Variants in RORA observed in about 807,000 individuals in gnomAD.
RORA encodes nuclear receptor ROR-alpha.
RORA carries 7 observed loss-of-function variants against 69.5 expected under a neutral mutation model. The ratio of observed to expected loss-of-function variants is 0.10; its 90% CI spans 0.06 to 0.19. The LOEUF (loss-of-function observed/expected upper bound fraction) is 0.19, where lower values mean the gene tolerates loss of function less well. Ranked by LOEUF, RORA falls within the 10% of genes least tolerant of loss-of-function variation. The pLI, the probability that RORA is intolerant of heterozygous loss-of-function variation, is 1.00. For synonymous variants in RORA, 261 were observed against 240.8 expected (o/e 1.08, Z -0.78); for missense variants, 457 against 663.0 (o/e 0.69, Z 3.41).
rs117779544 is a variant in RORA at position 60,899,539 on chromosome 15, T to C, written c.167-220853A>G. Among the ~76,000 whole-genome samples, 488 of 152,330 alleles carry C rather than the reference T, an allele frequency of 3.2e-3. 12 individuals carry two copies. In the East Asian group the frequency reaches 0.063, roughly 20 times the overall value. On this transcript the variant is annotated intron_variant, in intron 1 of 10. Transcript: ENST00000335670. Reference sequence around the variant, plus strand: ...TGAGCAAGCATAACCCAGCAGTTTTTAGCCACACTTCTTTCATGGCTTTCT... The same window carrying C: ...TGAGCAAGCATAACCCAGCAGTTTTCAGCCACACTTCTTTCATGGCTTTCT...
intron 1 of RORA, among the ~76,000 whole-genome samples, chr15:61,065,048 A>G (rs997054187): frequency 2.0e-5 from 3 of 152,234 alleles, no homozygotes; most frequent in East Asian, 1.9e-4. Context: ...CTAAGGCTCC[A>G]GAATGTATCA....
chr15:60,545,685 C>T (rs182851156), intron 2 of RORA, among the ~76,000 whole-genome samples: 2 of 152,302 alleles, frequency 1.3e-5, no homozygotes, highest in African/African-American at 2.4e-5. Flanking sequence ...GCCCAATTAG[C>T]GTGGTCCATT....
intron 1 of RORA, among the ~76,000 whole-genome samples, chr15:60,962,913 C>T (rs1025290246): frequency 6.6e-6 from 1 of 152,164 alleles, no homozygotes; most frequent in Non-Finnish European, 1.5e-5. Flanking sequence ...ATTGGGAAGA[C>T]AACATGGAGG....
At chr15:61,180,382 T>G (rs2079672731) in intron 1 of RORA, among the ~76,000 whole-genome samples, 3 of 152,192 alleles carry the variant, frequency 2.0e-5, no homozygotes, top group Non-Finnish European at 4.4e-5. Flanking sequence ...TTGTATGAGA[T>G]TTAATACAAT....
intron 1 of RORA, among the ~76,000 whole-genome samples, chr15:61,019,139 T>C (rs1178900488): frequency 6.6e-6 from 1 of 152,208 alleles, no homozygotes; most frequent in Non-Finnish European, 1.5e-5. Flanking sequence ...GGCACAAGAA[T>C]TGCACTGGCT....
intron 2 of RORA, among the ~76,000 whole-genome samples, chr15:60,613,696 C>CTG (rs66616801): frequency 0.15 from 19,057 of 125,000 alleles, 1,510 homozygotes; most frequent in East Asian, 0.37. Flanking sequence ...AATTTGATAT[C>CTG]TGTGTGTGTG....
intron 2 of RORA, among the ~76,000 whole-genome samples, chr15:60,545,368 C>G (rs1209959561): frequency 1.3e-5 from 2 of 152,146 alleles, no homozygotes; most frequent in Non-Finnish European, 1.5e-5. Flanking sequence ...ACCCTTTAAA[C>G]TATGTCACAA....
chr15:60,983,824 C>A (rs960941667), intron 1 of RORA, among the ~76,000 whole-genome samples: 4 of 152,190 alleles, frequency 2.6e-5, no homozygotes, highest in African/African-American at 7.2e-5. Flanking sequence ...TAAAACCGAG[C>A]TGCAACCCAA....
At chr15:60,591,888 C>CT (rs1350007696) in intron 2 of RORA, among the ~76,000 whole-genome samples, 2 of 151,984 alleles carry the variant, frequency 1.3e-5, no homozygotes, top group Non-Finnish European at 2.9e-5. Context: ...GGCGCAAGGC[C>CT]TGGGGCGCTG....
intron 3 of RORA, chr15:60,530,018 C>A (rs2066481796): frequency 6.6e-6 from 1 of 152,252 alleles, no homozygotes; most frequent in Non-Finnish European, 1.5e-5. Flanking sequence ...CCAGGTGATA[C>A]GCAATGCACA....
intron 1 of RORA, among the ~76,000 whole-genome samples, chr15:60,748,721 C>T (rs1399899152): frequency 6.6e-6 from 1 of 152,160 alleles, no homozygotes; most frequent in Non-Finnish European, 1.5e-5. Flanking sequence ...AATTTTTAGG[C>T]AGTATGGATT....
intron 1 of RORA, among the ~76,000 whole-genome samples, chr15:61,047,955 G>T (rs1308509190): frequency 3.3e-5 from 5 of 152,152 alleles, no homozygotes; most frequent in Non-Finnish European, 7.4e-5. Context: ...GCAAAAATGA[G>T]CAACGTTAAA....
chr15:60,779,031 C>G (rs941310376), intron 1 of RORA, among the ~76,000 whole-genome samples: 2 of 152,132 alleles, frequency 1.3e-5, no homozygotes, highest in East Asian at 3.8e-4. Context: ...ATCAATTCCT[C>G]CTCCCAACAC....
At chr15:60,694,871 A>G (rs1241855627) in intron 1 of RORA, among the ~76,000 whole-genome samples, 1 of 152,206 alleles carries the variant, frequency 6.6e-6, no homozygotes, top group Non-Finnish European at 1.5e-5. Context: ...ATTCAGGTCT[A>G]CAGGGCCAGA....
At chr15:61,084,362 AAGAT>A (rs2078590816) in intron 1 of RORA, among the ~76,000 whole-genome samples, 1 of 152,212 alleles carries the variant, frequency 6.6e-6, no homozygotes, top group Admixed American at 6.5e-5. Flanking sequence ...TAAGTCAAAA[AAGAT>A]AGAGCAAATT....
At chr15:60,614,959 G>A (rs1287502970) in intron 2 of RORA, 25 of 1,613,894 alleles carry the variant, frequency 1.5e-5, no homozygotes, top group African/African-American at 2.7e-5. Context: ...CTTGGCTGTG[G>A]CTCCATCCCA....
At chr15:60,965,749 T>C (rs1288517280) in intron 1 of RORA, among the ~76,000 whole-genome samples, 2 of 152,150 alleles carry the variant, frequency 1.3e-5, no homozygotes, top group Non-Finnish European at 2.9e-5. Flanking sequence ...AGCACTGGTT[T>C]CTTTAATTTT....
At chr15:60,521,940 G>A (rs1194194598) in intron 3 of RORA, among the ~76,000 whole-genome samples, 18 of 151,906 alleles carry the variant, frequency 1.2e-4, no homozygotes, top group Non-Finnish European at 1.0e-4. Context: ...TACCTTCTCT[G>A]GAAATTCTAT....
chr15:60,780,415 T>C (rs1222036188), intron 1 of RORA, among the ~76,000 whole-genome samples: 69 of 152,172 alleles, frequency 4.5e-4, no homozygotes, highest in Non-Finnish European at 4.4e-5. Context: ...GTAAGATACA[T>C]GACCTGTCAG....
Sources: gnomAD v4.1 joint callset for allele counts (sites outside exome capture counted in the v4.1 genomes callset) on GRCh38, gnomAD v4.1.1 for gene constraint, MANE v1.5 for transcripts, NCBI Gene and HGNC (gene_info 2026-07-23, HGNC 2026-07-21) for gene names.